The following ARID1A variants were observed in gnomAD, a reference collection of about 807,000 sequenced individuals.
The protein encoded by ARID1A is AT-rich interaction domain 1A.
ARID1A carries 20 observed loss-of-function variants against 212.6 expected under a neutral mutation model. The ratio of observed to expected loss-of-function variants is 0.09; its 90% CI spans 0.07 to 0.14. The LOEUF (loss-of-function observed/expected upper bound fraction) is 0.14. Ranked by LOEUF, ARID1A falls within the 10% of genes least tolerant of loss-of-function variation. ARID1A has a pLI of 1.00. For missense variants in ARID1A, 2,587 were observed against 3,059.0 expected, an observed-to-expected ratio of 0.85 and a Z score of 3.64; for synonymous variants, 1,376 against 1,222.1, an observed-to-expected ratio of 1.13 and a Z score of -2.63.
At chr1:26,707,877 A>G (rs1474564275) in intron 1 of ARID1A, among the ~76,000 whole-genome samples, 1 of 152,190 alleles carries the variant, frequency 6.6e-6, no homozygotes, top group Non-Finnish European at 1.5e-5. Flanking sequence ...CAAGGTAGAC[A>G]AGGTTTGTCT....
intron 1 of ARID1A, among the ~76,000 whole-genome samples, chr1:26,720,571 CTT>C (rs1251498213): frequency 6.6e-6 from 1 of 151,922 alleles, no homozygotes; most frequent in East Asian, 1.9e-4. Context: ...ACGAGACTCT[CTT>C]AAGATTAAAA....
Position 26,780,208 on chromosome 1 carries a change from T to C in ARID1A, c.6310T>C (p.Ser2104Pro). 1 of 1,614,068 alleles carries C rather than the reference T, an allele frequency of 6.2e-7. No individual in the cohort carries two copies. Among genetic ancestry groups the C allele is most frequent in the Non-Finnish European group, 8.5e-7 (1 of 1,179,994 alleles). Reference sequence around the variant, plus strand: ...TTCAGCTGAAGCCCAGGACCCCTTTTCCACCCTGGGCCCCAATGCCGTCCT... The same window carrying C: ...TTCAGCTGAAGCCCAGGACCCCTTTCCCACCCTGGGCCCCAATGCCGTCCT... ...CPSAEAQDPF[S>P]TLGPNAVLSP... The change falls in exon 20 of 20, where the codon TCC (serine) becomes CCC (proline). Residue 2104 changes from serine (S) to proline (P), a missense_variant. Transcript: ENST00000324856. The surrounding 1 kb of genome is among the most constrained non-coding windows in gnomAD (Gnocchi z 7.2).
At chr1:26,704,904 AG>A (rs2080373918) in intron 1 of ARID1A, among the ~76,000 whole-genome samples, 2 of 152,140 alleles carry the variant, frequency 1.3e-5, no homozygotes, top group South Asian at 4.1e-4. Flanking sequence ...ACTATGGCCA[AG>A]CAGCTAACAA....
chr1:26,751,406 A>T (rs144283018), intron 4 of ARID1A, among the ~76,000 whole-genome samples: 127 of 152,276 alleles, frequency 8.3e-4, no homozygotes, highest in African/African-American at 2.8e-3. Flanking sequence ...CTGGTGATAT[A>T]GGTTGTTGGC....
Position 26,780,209 on chromosome 1 carries a change from C to T in ARID1A, c.6311C>T (p.Ser2104Phe), listed in dbSNP as rs1322532917. ...TCAGCTGAAGCCCAGGACCCCTTTT[C>T]CACCCTGGGCCCCAATGCCGTCCTT... ...CPSAEAQDPF[S>F]TLGPNAVLSP... The change falls in exon 20 of 20, where the codon TCC becomes TTC. Residue 2104 changes from serine to phenylalanine, a missense_variant. Coordinates refer to ENST00000324856, the MANE Select transcript of ARID1A (RefSeq NM_006015.6). The surrounding 1 kb of genome is among the most constrained non-coding windows in gnomAD (Gnocchi z 7.2). The T allele has an allele frequency of 6.2e-7, 1 of 1,614,188 alleles. No individual in the cohort carries two copies. The highest frequency in any genetic ancestry group is 1.7e-5 in the Admixed American group (1 of 60,028).
In ARID1A at chr1:26,772,557, C is replaced by T. The variant is rs759263282; in HGVS notation, c.3464C>T (p.Ala1155Val). 6.2e-7 allele frequency: 1 copy of T among 1,614,206 alleles called. No individual in the cohort carries two copies. Among genetic ancestry groups the T allele is most frequent in the Admixed American group, 1.7e-5 (1 of 60,022 alleles). Reference sequence around the variant, plus strand: ...CCCCAGTCAACCAGCAGTTCCATGGCAGAAGGAGGAGACTTAAAGCCACCA... The same window carrying T: ...CCCCAGTCAACCAGCAGTTCCATGGTAGAAGGAGGAGACTTAAAGCCACCA... ...QTPQSTSSSM[A>V]EGGDLKPPTP... is the part of the protein sequence containing the mutation. The change falls in exon 13 of 20, where the codon GCA (alanine) becomes GTA (valine). Residue 1155 changes from alanine (A) to valine (V), a missense_variant. Ala to Val is a moderately conservative substitution (Grantham distance 64, BLOSUM62 0). Transcript: ENST00000324856.
In ARID1A at chr1:26,706,551, G is replaced by A. The variant is rs532412058; in HGVS notation, c.1137+9011G>A. 3.3e-4 allele frequency among the ~76,000 whole-genome samples: 50 copies of A among 152,270 alleles called. No individual in the cohort carries two copies. In the South Asian group the frequency reaches 9.5e-3, roughly 29 times the overall value. On this transcript the variant is annotated intron_variant, in intron 1 of 19. Coordinates refer to ENST00000324856, the MANE Select transcript of ARID1A (RefSeq NM_006015.6). ...GCCCAGCTGTTTACTCTCAACTGCC[G>A]TGTACTTTGACTTTAAGAAAAGTGC...
intron 1 of ARID1A, among the ~76,000 whole-genome samples, chr1:26,716,203 CAAAAAAAA>C (rs111787612): frequency 4.6e-5 from 3 of 64,924 alleles, no homozygotes; most frequent in African/African-American, 1.2e-4. Flanking sequence ...GATTCCGTCT[CAAAAAAAA>C]AAAAAAAAAG....
In ARID1A at chr1:26,746,786, C is replaced by T. The variant is rs562352724; in HGVS notation, c.1920+13994C>T. Among the ~76,000 whole-genome samples the T allele has an allele frequency of 2.0e-5, 3 of 152,310 alleles. No individual in the cohort carries two copies. The South Asian group carries it at 6.2e-4, about 32-fold the overall frequency. On this transcript the variant is annotated intron_variant, in intron 4 of 19. Transcript: ENST00000324856. ...GTGCGGTGGCTCACGCCTGTAATCC[C>T]AGCAGTTTGGGAGGCCAAGGCGGGC...
chr1:26,724,374 C>T (rs542984782), intron 1 of ARID1A, among the ~76,000 whole-genome samples: 13 of 152,140 alleles, frequency 8.5e-5, no homozygotes. Flanking sequence ...CTGGTCACTT[C>T]TTTCTATTTC....
chr1:26,720,814 G>A (rs902406640), intron 1 of ARID1A, among the ~76,000 whole-genome samples: 2 of 151,610 alleles, frequency 1.3e-5, no homozygotes, highest in Non-Finnish European at 2.9e-5. Flanking sequence ...GGCTGCAGTG[G>A]GCCATGATTG....
rs2080261214 is a variant in ARID1A, at chr1:26,696,795, G to C, written c.392G>C (p.Gly131Ala). 2 of 1,339,190 alleles carry C rather than the reference G, an allele frequency of 1.5e-6. No homozygotes were observed. Among genetic ancestry groups the C allele is most frequent in the Admixed American group, 4.1e-5 (1 of 24,214 alleles). 83.0% of individuals were successfully genotyped at this position (1,339,190 alleles called of 1,614,324 possible). ...PGGGGGGSSD[G>A]VGAPPHSAAA... ...GGCGGCGGTGGCGGCAGCAGCGATG[G>C]GGTGGGGGCGCCTCCTCACTCAGCC... The change falls in exon 1 of 20, where the codon GGG (glycine) becomes GCG (alanine). Residue 131 changes from glycine (G) to alanine (A), a missense_variant. Gly to Ala is a moderately conservative substitution (Grantham distance 60, BLOSUM62 0). Transcript: ENST00000324856.
intron 18 of ARID1A, 91 bp downstream of exon 18, chr1:26,775,311 A>T: frequency 6.7e-7 from 1 of 1,488,610 alleles, no homozygotes; most frequent in Non-Finnish European, 8.9e-7. Context: ...ATGAGGTTGA[A>T]TCTGGTCCAG....
rs185263056 is a variant in ARID1A at position 26,730,440 on chromosome 1, C to A, written c.1350+577C>A. On this transcript the variant is annotated intron_variant, in intron 2 of 19. Coordinates refer to ENST00000324856, the MANE Select transcript of ARID1A (RefSeq NM_006015.6). ...TTTTTGTATTGACAAAGTTTTCTAT[C>A]ATTTATCTTTGAGTGATACTCATAC... 3.8e-3 allele frequency among the ~76,000 whole-genome samples: 578 copies of A among 152,258 alleles called. 2 individuals are homozygous for A. The highest frequency in any genetic ancestry group is 6.5e-3 in the Non-Finnish European group (444 of 68,016).
intron 1 of ARID1A, among the ~76,000 whole-genome samples, chr1:26,702,859 TAGAA>T (rs1033329816): frequency 2.0e-5 from 3 of 152,124 alleles, no homozygotes; most frequent in Non-Finnish European, 4.4e-5. Context: ...ATAGTGAAAA[TAGAA>T]GTTTGGAAAG....
rs2080254501 is a variant in ARID1A at position 26,696,494 on chromosome 1, C to G, written c.91C>G (p.Gln31Glu). 1 of 1,240,110 alleles carries G rather than the reference C, an allele frequency of 8.1e-7. No homozygotes were observed. The highest frequency in any genetic ancestry group is 1.0e-6 in the Non-Finnish European group (1 of 994,234). The allele number at this position is 1,240,110 out of a possible 1,614,324, so 76.8% of individuals were successfully genotyped here. A position where few individuals can be genotyped will look rare whatever the true frequency, so the allele number is the denominator to read the frequency against. The change falls in exon 1 of 20, where the codon CAG (glutamine) becomes GAG (glutamate). Residue 31 changes from glutamine to glutamate, a missense_variant. Gln to Glu is a conservative substitution (Grantham distance 29). Coordinates refer to ENST00000324856, the MANE Select transcript of ARID1A (RefSeq NM_006015.6). ...GGAGCTGAAGAAAGCCGAGCAGCAGCAGCGGGAGGAGGCGGGGGGCGAGGC... is the reference window on the plus strand; with the variant it reads ...GGAGCTGAAGAAAGCCGAGCAGCAGGAGCGGGAGGAGGCGGGGGGCGAGGC... The part of the protein sequence containing the change: ...PSELKKAEQQ[Q>E]REEAGGEAAA...
intron 8 of ARID1A, 52 bp from the exon 9 acceptor site, chr1:26,766,169 A>G (rs922082434): frequency 1.1e-5 from 17 of 1,575,110 alleles, no homozygotes; most frequent in Admixed American, 3.8e-5. Context: ...GTTCAAATCT[A>G]AAAGCTCAGA....
intron 4 of ARID1A, among the ~76,000 whole-genome samples, chr1:26,748,332 C>T (rs963257606): frequency 6.6e-6 from 1 of 152,176 alleles, no homozygotes. Flanking sequence ...CAGAACTCTG[C>T]TTGCTTTCTG....
At chr1:26,749,234 C>T (rs1165931300) in intron 4 of ARID1A, among the ~76,000 whole-genome samples, 4 of 152,036 alleles carry the variant, frequency 2.6e-5, no homozygotes, top group Admixed American at 6.6e-5. Context: ...TGGACTGCCC[C>T]GTGTAGCTTT....
Sources: gnomAD v4.1 joint callset for allele counts (sites outside exome capture counted in the v4.1 genomes callset) on GRCh38, gnomAD v4.1.1 for gene constraint, Gnocchi (gnomAD v3.1) non-coding constraint, MANE v1.5 for transcripts, NCBI Gene and HGNC (gene_info 2026-07-23, HGNC 2026-07-21) for gene names.